The following MIAT variants were observed in gnomAD, a reference collection of about 807,000 sequenced individuals.
The protein encoded by MIAT is MI related novel mRNA.
chr22:26,669,427 A>G (rs1011369794), exon 6 of MIAT: 3 of 398,436 alleles, frequency 7.5e-6, no homozygotes, highest in African/African-American at 2.1e-5. Flanking sequence ...ATGTCCTCAC[A>G]TGGCCTTTTC....
rs58654108 is a variant in MIAT, at chr22:26,661,917, CATATATATATATAT to C, written n.647-1367_647-1354del. ...ATATATATATGGATCTATATAGATC[CATATATATATATAT>C]ATATATATATATATATATATATATA... On this transcript the variant is annotated intron_variant and non_coding_transcript_variant, in intron 2 of 5. Transcript: ENST00000643270. 6.9e-3 allele frequency among the ~76,000 whole-genome samples: 557 copies of C among 80,568 alleles called. 4 individuals are homozygous for C. The highest frequency in any genetic ancestry group is 0.02 in the African/African-American group (516 of 26,154). The allele number at this position is 80,568 out of a possible 152,430, so 52.9% of individuals were successfully genotyped here. A position where few individuals can be genotyped will look rare whatever the true frequency, so the allele number is the denominator to read the frequency against.
rs112782030 is a variant in MIAT, at chr22:26,663,716, A to C, written n.729+318A>C. Among the ~76,000 whole-genome samples the C allele has an allele frequency of 2.9e-3, 449 of 152,318 alleles. 2 individuals carry two copies. Among genetic ancestry groups the C allele is most frequent in the Non-Finnish European group, 5.0e-3 (343 of 68,028 alleles). On this transcript the variant is annotated intron_variant and non_coding_transcript_variant, in intron 3 of 5. Transcript: ENST00000643270. ...TTCATCACATACAAATGAGTTTTAC[A>C]AAAATAACTTTATTGAGGTATAATT...
At chr22:26,659,840 C>CTTTT (rs1189391284) in intron 2 of MIAT, among the ~76,000 whole-genome samples, 1,851 of 94,848 alleles carry the variant, frequency 0.02, 61 homozygotes, top group African/African-American at 0.064. Context: ...TTCTTTCTTT[C>CTTTT]TTTTTTTTTT....
chr22:26,667,414 GTA>G (rs1930891775), intron 5 of MIAT: 32 of 177,568 alleles, frequency 1.8e-4, no homozygotes, highest in Admixed American at 1.7e-3. Context: ...GTGTGCGCGT[GTA>G]TGTGTGTGTA....
chr22:26,656,985 G>C (rs777386734), intron 2 of MIAT, among the ~76,000 whole-genome samples: 7 of 152,230 alleles, frequency 4.6e-5, no homozygotes, highest in Non-Finnish European at 1.0e-4. Flanking sequence ...TGCTGTACAC[G>C]CATGAAGTTA....
chr22:26,676,177 G>A (rs1045362), exon 5 of MIAT: 236,485 of 392,528 alleles, frequency 0.6, 72,679 homozygotes, highest in East Asian at 0.8. Flanking sequence ...ATGGTGACAT[G>A]TTGAGCTGGG....
downstream of MIAT, chr22:26,670,602 T>TTTAA (rs367735721): frequency 9.7e-6 from 3 of 310,532 alleles, no homozygotes; most frequent in East Asian, 4.1e-5. Flanking sequence ...CATTGCTCCT[T>TTTAA]AAAAAAAAAA....
At chr22:26,658,652 G>C (rs913785139) in intron 2 of MIAT, among the ~76,000 whole-genome samples, 3 of 152,162 alleles carry the variant, frequency 2.0e-5, no homozygotes, top group African/African-American at 4.8e-5. Context: ...AGGCCTGGGG[G>C]GCGCGCCCTG....
At chr22:26,653,506 C>G (rs887826010) in intron 2 of MIAT, among the ~76,000 whole-genome samples, 1 of 152,114 alleles carries the variant, frequency 6.6e-6, no homozygotes, top group South Asian at 2.1e-4. Flanking sequence ...GGGGCCTTTT[C>G]CCATTCCTGT....
At chr22:26,674,385 G>C, downstream of MIAT, 1 of 398,952 alleles carries the variant, frequency 2.5e-6, no homozygotes, top group Non-Finnish European at 4.4e-6. Context: ...CTAGTTCAAG[G>C]TTTTGCTGAC....
chr22:26,655,950 CTGG>C (rs1930427699), intron 2 of MIAT: 1 of 152,042 alleles, frequency 6.6e-6, no homozygotes, highest in Admixed American at 6.6e-5. Flanking sequence ...TCCCAAAGTT[CTGG>C]GGTTACAGGC....
At chr22:26,653,102 G>A (rs1028214690) in intron 2 of MIAT, among the ~76,000 whole-genome samples, 7 of 152,182 alleles carry the variant, frequency 4.6e-5, no homozygotes, top group African/African-American at 1.7e-4. Context: ...ACCCTCCGTA[G>A]GGAAATGGAA....
At chr22:26,657,355 G>A (rs1378859779) in intron 2 of MIAT, 1 of 395,384 alleles carries the variant, frequency 2.5e-6, no homozygotes, top group Non-Finnish European at 4.4e-6. Flanking sequence ...CTGGGCGCGG[G>A]TAAGGAGGGG....
chr22:26,658,703 C>T (rs1283007721), intron 2 of MIAT, among the ~76,000 whole-genome samples: 3 of 152,204 alleles, frequency 2.0e-5, no homozygotes, highest in East Asian at 1.9e-4. Context: ...CCGAGGCTGC[C>T]CGGCGCCTGG....
At chr22:26,672,742 A>T, downstream of MIAT, 1 of 399,038 alleles carries the variant, frequency 2.5e-6, no homozygotes, top group Non-Finnish European at 4.4e-6. Flanking sequence ...CCCACACCGG[A>T]AGTCAGAAAG....
At chr22:26,652,894 T>C (rs16982543) in intron 2 of MIAT, among the ~76,000 whole-genome samples, 19,170 of 152,132 alleles carry the variant, frequency 0.13, 1,328 homozygotes, top group African/African-American at 0.2. Context: ...GGTACTCTTA[T>C]CTTATGGGCT....
intron 2 of MIAT, chr22:26,663,193 A>C: frequency 5.1e-6 from 2 of 395,884 alleles, no homozygotes; most frequent in Non-Finnish European, 8.9e-6. Context: ...TTTGATCTGC[A>C]TCCAAGGAGA....
At chr22:26,671,439 G>A (rs1367752973), downstream of MIAT, 19 of 398,602 alleles carry the variant, frequency 4.8e-5, no homozygotes, top group East Asian at 6.8e-4. Flanking sequence ...GGGCTCAGCC[G>A]GGACGCTGTG....
downstream of MIAT, chr22:26,673,200 A>G: frequency 2.5e-6 from 1 of 398,660 alleles, no homozygotes; most frequent in Non-Finnish European, 4.4e-6. Context: ...CCGGCCAGGA[A>G]TGCATCTCTG....
Sources: gnomAD v4.1 joint callset for allele counts (sites outside exome capture counted in the v4.1 genomes callset) on GRCh38, gnomAD v4.1.1 for gene constraint, MANE v1.5 for transcripts, NCBI Gene and HGNC (gene_info 2026-07-23, HGNC 2026-07-21) for gene names.